Variants in ZMAT1 observed in about 807,000 individuals in gnomAD.
ZMAT1 encodes zinc finger matrin-type 1, also known as zinc finger matrin-type protein 1.
Under a neutral mutation model 18.5 loss-of-function variants are expected in ZMAT1, and 11 were observed. The observed-to-expected ratio is 0.59, with a 90% CI of 0.37 to 0.98. ZMAT1 has a LOEUF of 0.98. ZMAT1 is among the 50% of genes least tolerant of loss of function. ZMAT1 has a pLI of 0.01. For missense variants in ZMAT1, 525 were observed against 496.2 expected (o/e 1.06, Z -0.55); for synonymous variants, 211 against 176.4 (o/e 1.20, Z -1.55).
chrX:101,918,736 G>A (rs983017060), intron 1 of ZMAT1: 2 of 111,100 alleles, frequency 1.8e-5, no homozygotes, highest in Non-Finnish European at 3.8e-5. Flanking sequence ...GGAAACAAAA[G>A]GAAACTATTA....
intron 1 of ZMAT1, chrX:101,911,773 C>T (rs1328386710): frequency 6.2e-5 from 75 of 1,206,692 alleles, no homozygotes; most frequent in Admixed American, 2.2e-4. Flanking sequence ...GCAGAGCCTT[C>T]GGCCAGAGCT....
At chrX:101,929,615 T>C (rs1930353180) in intron 1 of ZMAT1, among the ~76,000 whole-genome samples, 1 of 109,557 alleles carries the variant, frequency 9.1e-6, no homozygotes, top group South Asian at 3.9e-4. Flanking sequence ...GAAGGATATA[T>C]AGCTAAAATG....
intron 4 of ZMAT1, chrX:101,887,209 GC>G: frequency 4.0e-6 from 3 of 746,903 alleles, no homozygotes; most frequent in Non-Finnish European, 4.7e-6. Flanking sequence ...TGAGATCACT[GC>G]AGTGCCTTAG....
intron 1 of ZMAT1, among the ~76,000 whole-genome samples, chrX:101,927,298 A>G (rs1930114440): frequency 8.9e-6 from 1 of 112,208 alleles, no homozygotes; most frequent in South Asian, 3.6e-4. Context: ...CCTAAAGGTC[A>G]CACTCTGTTT....
chrX:101,922,554 G>A (rs767908215), intron 1 of ZMAT1, among the ~76,000 whole-genome samples: 1 of 110,288 alleles, frequency 9.1e-6, no homozygotes, highest in Non-Finnish European at 1.9e-5. Flanking sequence ...CACCATGCCC[G>A]ACTAATTTTT....
chrX:101,930,013 G>A (rs916136773), intron 1 of ZMAT1, among the ~76,000 whole-genome samples: 1 of 111,811 alleles, frequency 8.9e-6, no homozygotes, highest in Non-Finnish European at 1.9e-5. Context: ...CTATGCCAGG[G>A]TGCTCCTCAT....
Position 101,904,238 on chromosome X carries a change from T to C in ZMAT1, c.385A>G (p.Ile129Val), listed in dbSNP as rs747308645. 2.3e-5 allele frequency: 27 copies of C among 1,198,744 alleles called. No homozygotes were observed. In the South Asian group the frequency reaches 4.8e-4, roughly 21 times the overall value. Residue 129 changes from isoleucine to valine, a missense_variant, in exon 2 of 6, where the codon ATT becomes GTT. By Grantham distance (29) the Ile-to-Val change is conservative. Transcript: ENST00000651725. ...TTTTAACCTACCTCATAATGTGAAA[T>C]TCTTTGTGATTCAAACTGTAGCATC... ...GVMLQFESQR[I>V]SHYEGEKHAQ...
chrX:101,893,312 A>G lies in ZMAT1; in HGVS notation c.676+4556T>C, dbSNP rs185633058. On this transcript the variant is annotated intron_variant, in intron 4 of 5. Coordinates refer to ENST00000651725, the MANE Select transcript of ZMAT1 (RefSeq NM_001394560.1). ...TAGAAAATTAGAAGCCCCTTATTTCAGATACACTCAACCTAGCAACAGGAA... is the reference window on the plus strand; with the variant it reads ...TAGAAAATTAGAAGCCCCTTATTTCGGATACACTCAACCTAGCAACAGGAA... 2.7e-5 allele frequency among the ~76,000 whole-genome samples: 3 copies of G among 111,743 alleles called. 1 individual carries two copies. In the Admixed American group the frequency reaches 2.8e-4, roughly 11 times the overall value.
intron 1 of ZMAT1, among the ~76,000 whole-genome samples, chrX:101,924,704 G>C (rs1929950339): frequency 8.9e-6 from 1 of 111,753 alleles, no homozygotes; most frequent in Non-Finnish European, 1.9e-5. Flanking sequence ...TTATACTCAG[G>C]GTATAAGAGG....
chrX:101,904,304 C>A lies in ZMAT1; in HGVS notation c.319G>T (p.Ala107Ser). ...EDAIWNEQEK[A>S]ELFTDKFCQV... ...CAAAACTTATCTGTAAAAAGTTCAG[C>A]CTTTTCCTGTTCATTCCAAATGGCG... Residue 107 changes from alanine to serine, a missense_variant, in exon 2 of 6, where the codon GCT becomes TCT. Coordinates refer to ENST00000651725, the MANE Select transcript of ZMAT1 (RefSeq NM_001394560.1). 1 of 1,205,229 alleles carries A rather than the reference C, an allele frequency of 8.3e-7. No homozygotes were observed. Among genetic ancestry groups the A allele is most frequent in the Non-Finnish European group, 1.1e-6 (1 of 892,475 alleles).
intron 4 of ZMAT1, chrX:101,888,056 C>A (rs1352273135): frequency 9.0e-6 from 1 of 111,625 alleles, no homozygotes. Context: ...GATTCCCAGG[C>A]TCTCCCCTGG....
At chrX:101,889,338 T>G (rs1335678928) in intron 4 of ZMAT1, 2 of 111,034 alleles carry the variant, frequency 1.8e-5, no homozygotes, top group Non-Finnish European at 3.8e-5. Flanking sequence ...CTTCTAGGAT[T>G]CCTTGTTTCT....
At chrX:101,914,624 T>C (rs1603282283) in intron 1 of ZMAT1, among the ~76,000 whole-genome samples, 1 of 111,207 alleles carries the variant, frequency 9.0e-6, no homozygotes, top group East Asian at 2.8e-4. Context: ...CCTTGATAGA[T>C]ACAGCTTACT....
chrX:101,930,050 T>C (rs1284843673), intron 1 of ZMAT1, among the ~76,000 whole-genome samples: 2 of 112,170 alleles, frequency 1.8e-5, no homozygotes, highest in East Asian at 5.6e-4. Flanking sequence ...ATAACATAAG[T>C]AAGGTATTGC....
chrX:101,883,419 T>G lies in ZMAT1; in HGVS notation c.*91A>C, dbSNP rs894347064. 16 of 740,646 alleles carry G rather than the reference T, an allele frequency of 2.2e-5. No homozygotes were observed. The South Asian group carries it at 2.2e-4, about 10-fold the overall frequency. The allele number at this position is 740,646 out of a possible 1,213,427, so 61.0% of individuals were successfully genotyped here. Reference sequence around the variant, plus strand: ...TGAAGTGACACTGACTGTATCTACCTCTCCTTTTCTTCATCAGGTGTTCCT... The same window carrying G: ...TGAAGTGACACTGACTGTATCTACCGCTCCTTTTCTTCATCAGGTGTTCCT... On this transcript the variant is annotated 3_prime_UTR_variant, in exon 6 of 6. Coordinates refer to ENST00000651725, the MANE Select transcript of ZMAT1 (RefSeq NM_001394560.1).
chrX:101,910,052 C>T (rs1330273028), intron 1 of ZMAT1, among the ~76,000 whole-genome samples: 1 of 112,512 alleles, frequency 8.9e-6, no homozygotes, highest in Non-Finnish European at 1.9e-5. Flanking sequence ...TCAATCCATC[C>T]CCTGATTTAG....
Position 101,883,700 on chromosome X carries a change from A to G in ZMAT1, c.1898T>C (p.Ile633Thr). ...ATCCTCCTCTCTTTTCCTTTGTCTG[A>G]TGCTCTTGTCTTTGTCTAAATCTGT... ...EDTDLDKDKS[I>T]RQRKREEDRV... The change falls in exon 6 of 6, where the codon ATC becomes ACC. Residue 633 changes from isoleucine to threonine, a missense_variant. Physicochemically the swap from Ile to Thr is moderately conservative, Grantham distance 89. Transcript: ENST00000651725. 1 of 1,204,285 alleles carries G rather than the reference A, an allele frequency of 8.3e-7. No homozygotes were observed. The highest frequency in any genetic ancestry group is 2.3e-4 in the Middle Eastern group (1 of 4,320).
chrX:101,883,620 C>T lies in ZMAT1; in HGVS notation c.1978G>A (p.Asp660Asn), dbSNP rs1477857437. The change falls in exon 6 of 6, where the codon GAT (aspartate) becomes AAT (asparagine). Residue 660 changes from aspartate to asparagine, a missense_variant. Coordinates refer to ENST00000651725, the MANE Select transcript of ZMAT1 (RefSeq NM_001394560.1). ...LKHRKKKKSH[D>N]VPSEKEERKH... ...CGTTCTTCTTTCTCGGAGGGTACAT[C>T]ATGGCTTTTTTTCTTTTTTCGATGC... 1 of 1,206,789 alleles carries T rather than the reference C, an allele frequency of 8.3e-7. No homozygotes were observed. Among genetic ancestry groups the T allele is most frequent in the African/African-American group, 1.8e-5 (1 of 56,640 alleles).
chrX:101,917,938 G>C (rs778206010), intron 1 of ZMAT1, among the ~76,000 whole-genome samples: 32 of 111,945 alleles, frequency 2.9e-4, no homozygotes, highest in Non-Finnish European at 5.8e-4. Context: ...GGCACAGAAA[G>C]ACAAACATTG....
Sources: allele counts gnomAD v4.1 joint callset (sites outside exome capture counted in the v4.1 genomes callset), GRCh38; gene constraint gnomAD v4.1.1; transcripts MANE v1.5; gene names NCBI Gene and HGNC (gene_info 2026-07-23, HGNC 2026-07-21).